CTNNA2: variants seen among roughly 807,000 people sequenced by gnomAD.
CTNNA2 encodes the protein catenin alpha 2, also known as catenin alpha-2.
Under a neutral mutation model 101.0 loss-of-function variants are expected in CTNNA2, and 42 were observed. The observed-to-expected ratio is 0.42, with a 90% confidence interval of 0.32 to 0.54. The LOEUF (loss-of-function observed/expected upper bound fraction) is 0.54, where lower values mean the gene tolerates loss of function less well. Among genes scored for constraint, CTNNA2 ranks in the 20% least tolerant of loss-of-function variants. The probability of loss-of-function intolerance (pLI) is 0.14; values close to 1 mark genes in which losing one functional copy is unlikely to be tolerated. For synonymous variants in CTNNA2, 450 were observed against 456.4 expected (o/e 0.99, Z 0.18); for missense variants, 871 against 1,223.1 (o/e 0.71, Z 4.29).
intron 7 of CTNNA2, among the ~76,000 whole-genome samples, chr2:80,117,229 A>G (rs17018643): frequency 0.029 from 4,459 of 152,172 alleles, 208 homozygotes; most frequent in African/African-American, 0.1. Context: ...GAGAGAAGAA[A>G]ATAGAAAACA....
intron 1 of CTNNA2, among the ~76,000 whole-genome samples, chr2:79,536,687 T>TTTTCTTTTCG: frequency 5.6e-5 from 1 of 17,884 alleles, no homozygotes; most frequent in Non-Finnish European, 1.5e-4. Context: ...TGGATTTTTT[T>TTTTCTTTTCG]TTTCTTTTCT....
At chr2:80,223,336 G>T (rs1227651021) in intron 7 of CTNNA2, among the ~76,000 whole-genome samples, 1 of 152,194 alleles carries the variant, frequency 6.6e-6, no homozygotes, top group Non-Finnish European at 1.5e-5. Flanking sequence ...TGCTGGTGGC[G>T]CAATCTCGGC....
At chr2:79,942,770 T>C (rs1688241931) in intron 7 of CTNNA2, among the ~76,000 whole-genome samples, 1 of 152,150 alleles carries the variant, frequency 6.6e-6, no homozygotes, top group Admixed American at 6.5e-5. Flanking sequence ...CTCTTTTGTG[T>C]TCTACAAAAA....
Position 79,224,989 on chromosome 2 carries a change from T to C in CTNNA2, c.-406+26913T>C, listed in dbSNP as rs187024360. 4.6e-3 allele frequency among the ~76,000 whole-genome samples: 700 copies of C among 152,134 alleles called. 5 individuals are homozygous for C. The highest frequency in any genetic ancestry group is 0.016 in the African/African-American group (668 of 41,538). ...TTCTTATTGTTGGATAATATGACAGTCTACAAATATACTCCAGTTTGTTTA... is the reference window on the plus strand; with the variant it reads ...TTCTTATTGTTGGATAATATGACAGCCTACAAATATACTCCAGTTTGTTTA... On this transcript the variant is annotated intron_variant, in intron 2 of 21. Coordinates refer to the CTNNA2 transcript ENST00000466387.
At chr2:79,479,464 T>C (rs1207018359) in intron 4 of CTNNA2, among the ~76,000 whole-genome samples, 1 of 152,258 alleles carries the variant, frequency 6.6e-6, no homozygotes, top group East Asian at 1.9e-4. Context: ...TATTGCATTT[T>C]ACTATCTATA....
At chr2:80,547,687 C>T (rs1692194903) in intron 11 of CTNNA2, among the ~76,000 whole-genome samples, 1 of 72,294 alleles carries the variant, frequency 1.4e-5, no homozygotes, top group African/African-American at 8.3e-5. Context: ...ATTGTCACTT[C>T]TGCTTTTTTT....
In CTNNA2 at chr2:79,573,044, A is replaced by G. The variant is rs140312576; in HGVS notation, c.-6+59837A>G. ...ACTTTTGTCTTGATCAAAACACTCT[A>G]TACGGCATTTCCTTGCCTTTTGTTC... is the stretch of plus-strand genomic sequence containing the variant. On this transcript the variant is annotated intron_variant, in intron 1 of 18. Transcript: ENST00000402739. Among the ~76,000 whole-genome samples the G allele has an allele frequency of 1.7e-3, 252 of 152,292 alleles. 1 individual carries two copies. Among genetic ancestry groups the G allele is most frequent in the African/African-American group, 5.8e-3 (243 of 41,568 alleles).
intron 3 of CTNNA2, among the ~76,000 whole-genome samples, chr2:79,745,198 A>G (rs1312246322): frequency 6.6e-6 from 1 of 152,164 alleles, no homozygotes; most frequent in Non-Finnish European, 1.5e-5. Flanking sequence ...TGAGAGGCCA[A>G]GGCGGGTGGA....
chr2:79,607,197 A>G (rs1442364529), intron 1 of CTNNA2, among the ~76,000 whole-genome samples: 2 of 152,232 alleles, frequency 1.3e-5, no homozygotes, highest in Non-Finnish European at 2.9e-5. Context: ...TTCATTTCAT[A>G]GTGATATAGA....
chr2:80,631,337 G>T (rs1672266124), intron 18 of CTNNA2, among the ~76,000 whole-genome samples: 1 of 148,318 alleles, frequency 6.7e-6, no homozygotes, highest in African/African-American at 2.5e-5. Flanking sequence ...ATGAACTTGA[G>T]GCTTTCTTTC....
chr2:80,633,914 G>C (rs1006335065), intron 18 of CTNNA2, among the ~76,000 whole-genome samples: 2 of 152,154 alleles, frequency 1.3e-5, no homozygotes, highest in African/African-American at 4.8e-5. Context: ...AGAAGACATA[G>C]ATACGTATTG....
At chr2:79,859,157 G>A (rs1040111775) in intron 4 of CTNNA2, among the ~76,000 whole-genome samples, 4 of 151,876 alleles carry the variant, frequency 2.6e-5, no homozygotes, top group African/African-American at 9.7e-5. Flanking sequence ...TTCCTTTTTG[G>A]AGAACCAACC....
chr2:79,465,472 T>C (rs1670923898), intron 4 of CTNNA2, among the ~76,000 whole-genome samples: 1 of 152,232 alleles, frequency 6.6e-6, no homozygotes, highest in African/African-American at 2.4e-5. Flanking sequence ...GCAGGCTCTT[T>C]TTTGTTCCAT....
At chr2:80,098,803 G>T (rs1700349236) in intron 7 of CTNNA2, among the ~76,000 whole-genome samples, 1 of 152,204 alleles carries the variant, frequency 6.6e-6, no homozygotes, top group Non-Finnish European at 1.5e-5. Context: ...GACCCTCTGA[G>T]CCAGGTGCGG....
chr2:80,016,804 TA>T lies in CTNNA2; in HGVS notation c.1056+107010del, dbSNP rs1370809247. Among the ~76,000 whole-genome samples the T allele has an allele frequency of 7.9e-5, 12 of 152,304 alleles. No individual in the cohort carries two copies. The East Asian group carries it at 2.3e-3, about 29-fold the overall frequency. On this transcript the variant is annotated intron_variant, in intron 7 of 18. Coordinates refer to ENST00000402739, the MANE Select transcript of CTNNA2 (RefSeq NM_001282597.3). Reference sequence around the variant, plus strand: ...AAATTTGTTAGGAGCCACTTCCAATTAAAGTTCATTTGTAATGAAGATAAAT... The same window carrying T: ...AAATTTGTTAGGAGCCACTTCCAATTAAGTTCATTTGTAATGAAGATAAAT...
At chr2:79,830,448 AAGG>A (rs1398515669) in intron 3 of CTNNA2, among the ~76,000 whole-genome samples, 1 of 152,172 alleles carries the variant, frequency 6.6e-6, no homozygotes, top group Non-Finnish European at 1.5e-5. Context: ...GGATGCCTAA[AAGG>A]AGAAGTGGAG....
rs34246881 is a variant in CTNNA2 at position 80,291,109 on chromosome 2, CCT to C, written c.1057-102101_1057-102100del. On this transcript the variant is annotated intron_variant, in intron 7 of 18. Coordinates refer to ENST00000402739, the MANE Select transcript of CTNNA2 (RefSeq NM_001282597.3). ...CACTCAACTTTTGGAATCTCAATTC[CCT>C]AGTTGCAAACGAGAATGTTCCCTCT... Among the ~76,000 whole-genome samples the C allele has an allele frequency of 5.6e-3, 847 of 152,268 alleles. 12 individuals are homozygous for C. The highest frequency in any genetic ancestry group is 0.02 in the African/African-American group (814 of 41,558).
intron 18 of CTNNA2, among the ~76,000 whole-genome samples, chr2:80,619,792 A>AAGGTCACAGCCATTTCAAG: frequency 6.6e-6 from 1 of 152,026 alleles, no homozygotes; most frequent in East Asian, 2.0e-4. Flanking sequence ...CTGCAAGTTT[A>AAGGTCACAGCCATTTCAAG]AGGTCACAGC....
chr2:79,949,029 A>G (rs1233267493), intron 7 of CTNNA2, among the ~76,000 whole-genome samples: 1 of 152,204 alleles, frequency 6.6e-6, no homozygotes, highest in Non-Finnish European at 1.5e-5. Context: ...TTAACCTGTC[A>G]GCCTGATAAT....
Sources: gnomAD v4.1 joint callset for allele counts (sites outside exome capture counted in the v4.1 genomes callset) on GRCh38, gnomAD v4.1.1 for gene constraint, MANE v1.5 for transcripts, NCBI Gene and HGNC (gene_info 2026-07-23, HGNC 2026-07-21) for gene names.